The following RUSC2 variants were observed in gnomAD, a reference collection of about 807,000 sequenced individuals.
The protein encoded by RUSC2 is RUN and SH3 domain containing 2, also known as AP-4 complex accessory subunit RUSC2.
Under a neutral mutation model 122.2 loss-of-function variants are expected in RUSC2, and 34 were observed. The ratio of observed to expected loss-of-function variants is 0.28; its 90% CI spans 0.21 to 0.37. The LOEUF (loss-of-function observed/expected upper bound fraction) is 0.37, where lower values mean the gene tolerates loss of function less well. RUSC2 is among the 10% of genes least tolerant of loss of function. The pLI is 1.00. For missense variants in RUSC2, 1,747 were observed against 1,952.4 expected (o/e 0.89, Z 1.98); for synonymous variants, 784 against 790.0 (o/e 0.99, Z 0.13).
At chr9:35,509,461 C>T (rs1168546430) in intron 1 of RUSC2, among the ~76,000 whole-genome samples, 1 of 152,172 alleles carries the variant, frequency 6.6e-6, no homozygotes, top group Non-Finnish European at 1.5e-5. Flanking sequence ...GTTCATTGGG[C>T]AGGAAATTCT....
chr9:35,516,521 T>C (rs1433840877), intron 1 of RUSC2, among the ~76,000 whole-genome samples: 1 of 152,210 alleles, frequency 6.6e-6, no homozygotes, highest in East Asian at 1.9e-4. Context: ...TGGTTCATTC[T>C]ACACTCCAGA....
chr9:35,560,685 C>G lies in RUSC2; in HGVS notation c.4045C>G (p.Pro1349Ala). Residue 1349 changes from proline (P) to alanine (A), a missense_variant, in exon 10 of 12, where the codon CCT becomes GCT. Coordinates refer to ENST00000361226, the MANE Select transcript of RUSC2 (RefSeq NM_014806.5). The part of the protein sequence containing the change: ...RGWPFWMGSP[P>A]DSVLAELRRS... ...CTGGCCCTTCTGGATGGGGAGCCCCCCTGACTCTGTGCTGGCCGAGCTGAG... is the reference window on the plus strand; with the variant it reads ...CTGGCCCTTCTGGATGGGGAGCCCCGCTGACTCTGTGCTGGCCGAGCTGAG... 6.4e-7 allele frequency: 1 copy of G among 1,572,080 alleles called. No individual in the cohort carries two copies. The highest frequency in any genetic ancestry group is 8.6e-7 in the Non-Finnish European group (1 of 1,157,796).
In RUSC2 at chr9:35,558,151, A is replaced by G. The variant is rs1822061529; in HGVS notation, c.3061-46A>G. 1 of 1,600,350 alleles carries G rather than the reference A, an allele frequency of 6.2e-7. No homozygotes were observed. The highest frequency in any genetic ancestry group is 8.5e-7 in the Non-Finnish European group (1 of 1,172,700). ...TGAGGGCCTGCTACGAGAGGACCAC[A>G]GTCAGGCCTGAGGGGGTTTCCTGCA... On this transcript the variant is annotated intron_variant, in intron 6 of 11. Transcript: ENST00000361226. This position sits in a 1 kb window ranked among gnomAD's most constrained non-coding sequence, Gnocchi z 4.3.
At chr9:35,502,651 A>T (rs1392564320) in intron 1 of RUSC2, among the ~76,000 whole-genome samples, 1 of 152,222 alleles carries the variant, frequency 6.6e-6, no homozygotes, top group Non-Finnish European at 1.5e-5. Context: ...AATCTACAAA[A>T]GACAAGTATA....
chr9:35,554,499 C>T (rs913316477), intron 2 of RUSC2, among the ~76,000 whole-genome samples: 1 of 152,184 alleles, frequency 6.6e-6, no homozygotes, highest in African/African-American at 2.4e-5. Flanking sequence ...AGCTTGAAGT[C>T]AGTAACATCT....
intron 2 of RUSC2, among the ~76,000 whole-genome samples, chr9:35,551,408 A>G (rs921400818): frequency 2.6e-5 from 4 of 152,196 alleles, no homozygotes; most frequent in African/African-American, 9.6e-5. Context: ...ACATACACTG[A>G]AGAGCTGTCC....
At chr9:35,506,122 C>T (rs1043254845) in intron 1 of RUSC2, among the ~76,000 whole-genome samples, 5 of 152,142 alleles carry the variant, frequency 3.3e-5, no homozygotes, top group Admixed American at 2.6e-4. Context: ...AACTAATAAA[C>T]TAGTTCAGTA....
At chr9:35,545,338 A>T (rs930762380) in intron 1 of RUSC2, among the ~76,000 whole-genome samples, 1 of 152,212 alleles carries the variant, frequency 6.6e-6, no homozygotes, top group Non-Finnish European at 1.5e-5. Context: ...GGAACATTAC[A>T]TGTGAGGAGT....
chr9:35,495,756 G>T (rs962302022), intron 1 of RUSC2, among the ~76,000 whole-genome samples: 2 of 152,058 alleles, frequency 1.3e-5, no homozygotes, highest in Admixed American at 1.3e-4. Context: ...AGCTGACTTT[G>T]GGTAATACTG....
At chr9:35,540,687 G>A (rs964287286) in intron 1 of RUSC2, among the ~76,000 whole-genome samples, 3 of 152,138 alleles carry the variant, frequency 2.0e-5, no homozygotes, top group East Asian at 1.9e-4. Flanking sequence ...TAGAGAGGCC[G>A]GTAGACATAA....
At chr9:35,501,097 C>G (rs1005464607) in intron 1 of RUSC2, among the ~76,000 whole-genome samples, 1 of 152,126 alleles carries the variant, frequency 6.6e-6, no homozygotes, top group Non-Finnish European at 1.5e-5. Context: ...TTTTTTAAAA[C>G]AGACTTTTGT....
intron 1 of RUSC2, chr9:35,539,121 G>C (rs989668161): frequency 8.6e-5 from 13 of 152,042 alleles, no homozygotes; most frequent in African/African-American, 3.1e-4. Context: ...ATGGCTCAGG[G>C]AGCTGGGGGA....
At chr9:35,537,750 G>A (rs1013750424) in intron 1 of RUSC2, among the ~76,000 whole-genome samples, 1 of 152,224 alleles carries the variant, frequency 6.6e-6, no homozygotes, top group African/African-American at 2.4e-5. Context: ...TGAAATCCAA[G>A]GGCAGGCTGT....
In RUSC2 at chr9:35,558,760, C is replaced by T. The variant is rs1022403064; in HGVS notation, c.3341+193C>T. Among the ~76,000 whole-genome samples, 2 of 152,220 alleles carry T rather than the reference C, an allele frequency of 1.3e-5. No individual in the cohort carries two copies. Among genetic ancestry groups the T allele is most frequent in the African/African-American group, 2.4e-5 (1 of 41,464 alleles). ...CCATGACTCTGTCACTGGTCACCAA[C>T]GTGGTCTGCTTTTACAAATCTGTAA... On this transcript the variant is annotated intron_variant, in intron 8 of 11. Transcript: ENST00000361226. This position sits in a 1 kb window ranked among gnomAD's most constrained non-coding sequence, Gnocchi z 4.3.
At chr9:35,531,747 T>TG (rs777009836) in intron 1 of RUSC2, among the ~76,000 whole-genome samples, 3 of 152,172 alleles carry the variant, frequency 2.0e-5, no homozygotes, top group Non-Finnish European at 4.4e-5. Context: ...ATTGTTGGGC[T>TG]GGGCGTGGTG....
rs1286424946 is a variant in RUSC2, at chr9:35,546,569, C to T, written c.48C>T (p.His16=). 5.4e-6 allele frequency: 8 copies of T among 1,494,092 alleles called. No homozygotes were observed. The East Asian group carries it at 1.7e-4, about 31-fold the overall frequency. The allele number at this position is 1,494,092 out of a possible 1,614,324, so 92.6% of individuals were successfully genotyped here. Residue 16 remains histidine, a synonymous_variant, in exon 2 of 12, where the codon CAC becomes CAT. Coordinates refer to ENST00000361226, the MANE Select transcript of RUSC2 (RefSeq NM_014806.5). The surrounding 1 kb of genome is among the most constrained non-coding windows in gnomAD (Gnocchi z 4.3). The stretch of plus-strand genomic sequence containing the variant: ...CTGGAGAGACCCTCATCGTTCATCA[C>T]ATCCCCCTGGTGCACTGCCAAGTCC... ...KLTGETLIVH[H]IPLVHCQVPD... is the part of the protein sequence containing the mutation.
At position 35,546,917 on chromosome 9, in the gene RUSC2, C is replaced by T. The variant is rs113652934; in HGVS notation, c.396C>T (p.His132=). 164 of 1,576,610 alleles carry T rather than the reference C, an allele frequency of 1.0e-4. 1 individual carries two copies. The African/African-American group carries it at 1.6e-3, about 16-fold the overall frequency. ...IGDSATQQSF[H]LHGTGQPNFH... ...ACAGTGCCACCCAGCAGTCCTTCCA[C>T]CTGCATGGCACTGGCCAGCCCAACT... is the stretch of plus-strand genomic sequence containing the variant. The change falls in exon 2 of 12, where the codon CAC becomes CAT. Residue 132 remains histidine (H), a synonymous_variant. Coordinates refer to ENST00000361226, the MANE Select transcript of RUSC2 (RefSeq NM_014806.5). The surrounding 1 kb of genome is among the most constrained non-coding windows in gnomAD (Gnocchi z 4.3).
rs564861234 is a variant in RUSC2, at chr9:35,490,183, C to G, written c.-93+11C>G. ...GAGGCGAGAAACGAGGTAGGAACGC[C>G]TCTCCGGAGGCGGGCAGGGTCCCAC... is the stretch of plus-strand genomic sequence containing the variant. On this transcript the variant is annotated intron_variant, in intron 1 of 11. Coordinates refer to ENST00000361226, the MANE Select transcript of RUSC2 (RefSeq NM_014806.5). The G allele has an allele frequency of 6.5e-6, 1 of 153,992 alleles. No homozygotes were observed. The highest frequency in any genetic ancestry group is 6.5e-5 in the Admixed American group (1 of 15,308). The allele number at this position is 153,992 out of a possible 1,614,324, so 9.5% of individuals were successfully genotyped here.
intron 1 of RUSC2, among the ~76,000 whole-genome samples, chr9:35,494,312 A>C (rs1396272813): frequency 2.6e-5 from 4 of 152,096 alleles, no homozygotes; most frequent in Non-Finnish European, 5.9e-5. Context: ...CTGAAAATAC[A>C]AAAATTAGCC....
Sources: allele counts gnomAD v4.1 joint callset (sites outside exome capture counted in the v4.1 genomes callset), GRCh38; gene constraint gnomAD v4.1.1; non-coding constraint Gnocchi (gnomAD v3.1); transcripts MANE v1.5; gene names NCBI Gene and HGNC (gene_info 2026-07-23, HGNC 2026-07-21).